CMSS1: variants seen among roughly 807,000 people sequenced by gnomAD.
CMSS1 encodes protein CMSS1.
CMSS1 carries 33 observed loss-of-function variants against 43.5 expected under a neutral mutation model. The ratio of observed to expected loss-of-function variants is 0.76; its 90% confidence interval spans 0.57 to 1.01. The LOEUF (loss-of-function observed/expected upper bound fraction) is 1.01, where lower values mean the gene tolerates loss of function less well. CMSS1 is among the 50% of genes least tolerant of loss of function. The probability of loss-of-function intolerance (pLI) is 0.00; values close to 1 mark genes in which losing one functional copy is unlikely to be tolerated. For synonymous variants in CMSS1, 115 were observed against 117.2 expected (o/e 0.98, Z 0.12); for missense variants, 313 against 326.4 (o/e 0.96, Z 0.32).
chr3:100,175,311 A>G (rs750906442), intron 8 of CMSS1, among the ~76,000 whole-genome samples: 16 of 152,186 alleles, frequency 1.1e-4, no homozygotes, highest in Non-Finnish European at 1.8e-4. Context: ...CATGCCTATA[A>G]TCCCGGCACT....
intron 1 of CMSS1, among the ~76,000 whole-genome samples, chr3:100,000,597 T>G (rs1049861798): frequency 5.9e-5 from 9 of 152,166 alleles, no homozygotes; most frequent in Admixed American, 5.9e-4. Context: ...TGGCTGTAAT[T>G]CCAGCACTTT....
intron 1 of CMSS1, among the ~76,000 whole-genome samples, chr3:99,822,469 G>A (rs116296922): frequency 0.037 from 5,678 of 152,218 alleles, 329 homozygotes; most frequent in African/African-American, 0.13. Context: ...AGTGGCTCAC[G>A]CCTGTAGTCC....
intron 1 of CMSS1, among the ~76,000 whole-genome samples, chr3:99,887,218 G>A (rs1705930171): frequency 6.6e-6 from 1 of 151,612 alleles, no homozygotes. Flanking sequence ...GGTTAGCCGA[G>A]ATTGAGCCAT....
intron 1 of CMSS1, among the ~76,000 whole-genome samples, chr3:99,959,118 G>C (rs999086757): frequency 1.3e-5 from 2 of 152,140 alleles, no homozygotes; most frequent in African/African-American, 2.4e-5. Flanking sequence ...TTGTGTAAAT[G>C]TTCAAGTAGT....
chr3:99,876,108 C>G lies in CMSS1; in HGVS notation c.64+58065C>G, dbSNP rs186440206. On this transcript the variant is annotated intron_variant, in intron 1 of 9. Transcript: ENST00000421999. ...GCGCCGGGGCCGGGCGGGGGCCGGGCCGGGGCCGCTGTAGTGCCGCGCTGC... is the reference window on the plus strand; with the variant it reads ...GCGCCGGGGCCGGGCGGGGGCCGGGGCGGGGCCGCTGTAGTGCCGCGCTGC... 639 of 986,580 alleles carry G rather than the reference C, an allele frequency of 6.5e-4. 4 individuals carry two copies. The African/African-American group carries it at 0.01, about 16-fold the overall frequency. 61.1% of individuals were successfully genotyped at this position (986,580 alleles called of 1,614,324 possible).
intron 1 of CMSS1, chr3:100,051,117 A>G (rs887798353): frequency 6.6e-6 from 1 of 152,144 alleles, no homozygotes; most frequent in African/African-American, 2.4e-5. Flanking sequence ...ACTTATTATA[A>G]AGACAGTTGT....
chr3:100,105,769 T>G (rs1468089733), intron 1 of CMSS1, among the ~76,000 whole-genome samples: 1 of 152,208 alleles, frequency 6.6e-6, no homozygotes, highest in Non-Finnish European at 1.5e-5. Context: ...AGCCCATGCT[T>G]CTTACTGTTG....
At chr3:100,163,911 A>G (rs1462412221) in intron 4 of CMSS1, among the ~76,000 whole-genome samples, 1 of 152,164 alleles carries the variant, frequency 6.6e-6, no homozygotes. Flanking sequence ...TTCCATTACA[A>G]CTTTATGCTT....
At chr3:99,949,809 T>G (rs1359499901) in intron 1 of CMSS1, among the ~76,000 whole-genome samples, 1 of 152,192 alleles carries the variant, frequency 6.6e-6, no homozygotes, top group African/African-American at 2.4e-5. Context: ...GAATGAGACT[T>G]ACATGTAGAA....
intron 1 of CMSS1, among the ~76,000 whole-genome samples, chr3:99,915,028 T>TA (rs1287703857): frequency 6.6e-6 from 1 of 152,372 alleles, no homozygotes; most frequent in East Asian, 1.9e-4. Context: ...TGTTTAATCT[T>TA]AAAATCCCCT....
intron 1 of CMSS1, among the ~76,000 whole-genome samples, chr3:100,066,421 A>G (rs552752190): frequency 6.6e-6 from 1 of 150,484 alleles, no homozygotes; most frequent in Non-Finnish European, 1.5e-5. Context: ...GTCATTTGCC[A>G]TGTGGTGATC....
chr3:100,115,609 CTCTCTCTCTCTCTCTCTCTG>C (rs2066557960), intron 1 of CMSS1, among the ~76,000 whole-genome samples: 1 of 127,362 alleles, frequency 7.9e-6, no homozygotes, highest in African/African-American at 3.2e-5. Context: ...CTCTCTCTCT[CTCTCTCTCTCTCTCTCTCTG>C]TCTCTCTCTC....
intron 1 of CMSS1, among the ~76,000 whole-genome samples, chr3:100,027,328 T>C (rs958001839): frequency 6.6e-6 from 1 of 152,172 alleles, no homozygotes; most frequent in Non-Finnish European, 1.5e-5. Flanking sequence ...TCACACATGG[T>C]AGGTGTTCAA....
chr3:100,139,308 G>A (rs144355339), intron 1 of CMSS1, among the ~76,000 whole-genome samples: 28 of 151,762 alleles, frequency 1.8e-4, no homozygotes, highest in Admixed American at 9.2e-4. Context: ...ATCCTGGCAC[G>A]TAAAGTAAAA....
chr3:99,935,634 A>G (rs1360823586), intron 1 of CMSS1, among the ~76,000 whole-genome samples: 1 of 152,206 alleles, frequency 6.6e-6, no homozygotes, highest in East Asian at 1.9e-4. Flanking sequence ...CCCCTGATGG[A>G]TCCCGTGATA....
At chr3:99,903,774 A>T (rs1386233700) in intron 1 of CMSS1, among the ~76,000 whole-genome samples, 1 of 152,140 alleles carries the variant, frequency 6.6e-6, no homozygotes, top group Non-Finnish European at 1.5e-5. Context: ...CCCCCAAAAA[A>T]GTGTGTCTTT....
chr3:100,056,538 A>G (rs905345837), intron 1 of CMSS1, among the ~76,000 whole-genome samples: 10 of 152,214 alleles, frequency 6.6e-5, no homozygotes, highest in Admixed American at 1.3e-4. Context: ...TTTAGCCTCC[A>G]GGTCAGAAAT....
chr3:99,971,268 G>A (rs1708811538), intron 1 of CMSS1, among the ~76,000 whole-genome samples: 2 of 151,538 alleles, frequency 1.3e-5, no homozygotes, highest in South Asian at 2.1e-4. Context: ...TGAACCCGGG[G>A]CGCGGAGCTT....
At chr3:100,024,150 G>A (rs911770698) in intron 1 of CMSS1, among the ~76,000 whole-genome samples, 1 of 152,042 alleles carries the variant, frequency 6.6e-6, no homozygotes, top group Non-Finnish European at 1.5e-5. Flanking sequence ...TGTCATGGTC[G>A]CCTATTTCAT....
Sources: allele counts gnomAD v4.1 joint callset (sites outside exome capture counted in the v4.1 genomes callset), GRCh38; gene constraint gnomAD v4.1.1; transcripts MANE v1.5; gene names NCBI Gene and HGNC (gene_info 2026-07-23, HGNC 2026-07-21).